STON2: variants seen among roughly 807,000 people sequenced by gnomAD.
The protein encoded by STON2 is stonin 2.
STON2 carries 29 observed loss-of-function variants against 65.7 expected under a neutral mutation model. That is an observed-to-expected ratio of 0.44 (90% confidence interval 0.33 to 0.60). The LOEUF (loss-of-function observed/expected upper bound fraction) is 0.60. Ranked by LOEUF, STON2 falls within the 20% of genes least tolerant of loss-of-function variation. The pLI, the probability that STON2 is intolerant of heterozygous loss-of-function variation, is 0.03. For synonymous variants in STON2, 404 were observed against 414.2 expected, an observed-to-expected ratio of 0.98 and a Z score of 0.30; for missense variants, 1,054 against 1,118.1, an observed-to-expected ratio of 0.94 and a Z score of 0.82.
At chr14:81,357,138 A>C (rs56079762) in intron 4 of STON2, among the ~76,000 whole-genome samples, 1 of 151,084 alleles carries the variant, frequency 6.6e-6, no homozygotes, top group African/African-American at 2.4e-5. Flanking sequence ...GAAAATTTTC[A>C]CAACCTACTC....
intron 2 of STON2, among the ~76,000 whole-genome samples, chr14:81,410,784 T>C (rs916031395): frequency 6.6e-6 from 1 of 151,668 alleles, no homozygotes; most frequent in Non-Finnish European, 1.5e-5. Context: ...AAAAAGGGAG[T>C]ATAACAGTAA....
Position 81,357,137 on chromosome 14 carries a change from C to T in STON2, c.571+13851G>A, listed in dbSNP as rs1392426133. ...AACCCACAAAATGGGAGAAAATTTT[C>T]ACAACCTACTCATCTGACAAAGGGC... On this transcript the variant is annotated intron_variant, in intron 4 of 7. Coordinates refer to ENST00000614646, the MANE Select transcript of STON2 (RefSeq NM_001394390.1). 4.0e-5 allele frequency among the ~76,000 whole-genome samples: 6 copies of T among 151,748 alleles called. No individual in the cohort carries two copies. The South Asian group carries it at 8.4e-4, about 21-fold the overall frequency.
chr14:81,261,754 T>G lies in STON2; in HGVS notation c.*6660A>C. 6.7e-7 allele frequency: 1 copy of G among 1,490,502 alleles called. No homozygotes were observed. The highest frequency in any genetic ancestry group is 8.9e-7 in the Non-Finnish European group (1 of 1,127,782). 92.3% of individuals were successfully genotyped at this position (1,490,502 alleles called of 1,614,324 possible). A position where few individuals can be genotyped will look rare whatever the true frequency, so the allele number is the denominator to read the frequency against. On this transcript the variant is annotated 3_prime_UTR_variant, in exon 8 of 8. Coordinates refer to ENST00000614646, the MANE Select transcript of STON2 (RefSeq NM_001394390.1). Reference sequence around the variant, plus strand: ...TAGCACCCAAATCCTAACATCTATTTTGGAGACCTGTCTGTGCCTCTTCAT... The same window carrying G: ...TAGCACCCAAATCCTAACATCTATTGTGGAGACCTGTCTGTGCCTCTTCAT...
chr14:81,290,483 G>A (rs889787276), intron 5 of STON2, among the ~76,000 whole-genome samples: 3 of 152,144 alleles, frequency 2.0e-5, no homozygotes, highest in Non-Finnish European at 2.9e-5. Flanking sequence ...AAGAAGATGC[G>A]TTCTGAGTCT....
At position 81,398,447 on chromosome 14, in the gene STON2, G is replaced by T; in HGVS notation, c.-65C>A. ...GGTGAACCCCAGAATACTGTCTGGG[G>T]TGGGCTGGAGTAGGGGTATGGTAGT... On this transcript the variant is annotated 5_prime_UTR_variant, in exon 2 of 8. Transcript: ENST00000614646. 1 of 1,342,930 alleles carries T rather than the reference G, an allele frequency of 7.4e-7. No homozygotes were observed. Among genetic ancestry groups the T allele is most frequent in the Non-Finnish European group, 1.1e-6 (1 of 935,782 alleles). The allele number at this position is 1,342,930 out of a possible 1,614,324, so 83.2% of individuals were successfully genotyped here. A position where few individuals can be genotyped will look rare whatever the true frequency, so the allele number is the denominator to read the frequency against.
chr14:81,315,703 T>G (rs1364708718), intron 5 of STON2, among the ~76,000 whole-genome samples: 1 of 152,238 alleles, frequency 6.6e-6, no homozygotes, highest in Non-Finnish European at 1.5e-5. Flanking sequence ...CTGGGTGCTG[T>G]AGTCTTAGCA....
At chr14:81,338,517 C>A (rs1262492557) in intron 4 of STON2, among the ~76,000 whole-genome samples, 1 of 152,146 alleles carries the variant, frequency 6.6e-6, no homozygotes, top group Non-Finnish European at 1.5e-5. Context: ...TACAGTGTTT[C>A]TCTGAGTTCT....
At chr14:81,286,105 G>T (rs760723039) in intron 5 of STON2, among the ~76,000 whole-genome samples, 1 of 151,994 alleles carries the variant, frequency 6.6e-6, no homozygotes, top group African/African-American at 2.4e-5. Flanking sequence ...CCGAGACTGC[G>T]CCACTGCACT....
chr14:81,264,100 T>C lies in STON2; in HGVS notation c.*4314A>G, dbSNP rs1894267102. ...TTGAAATGGGCAAGGCTCAGGCTCA[T>C]GGATCTGTTTGACTTGCAGGAACAA... On this transcript the variant is annotated 3_prime_UTR_variant, in exon 8 of 8. Transcript: ENST00000614646. 8.1e-6 allele frequency: 8 copies of C among 985,348 alleles called. No homozygotes were observed. Among genetic ancestry groups the C allele is most frequent in the African/African-American group, 1.7e-5 (1 of 57,250 alleles). The allele number at this position is 985,348 out of a possible 1,614,324, so 61.0% of individuals were successfully genotyped here.
chr14:81,295,200 CTG>C (rs1895712280), intron 5 of STON2, among the ~76,000 whole-genome samples: 1 of 152,180 alleles, frequency 6.6e-6, no homozygotes, highest in Non-Finnish European at 1.5e-5. Context: ...TGGCGGGCAC[CTG>C]TAGTCCCAGC....
intron 5 of STON2, among the ~76,000 whole-genome samples, chr14:81,289,444 C>T (rs1049026192): frequency 5.9e-5 from 9 of 152,190 alleles, no homozygotes; most frequent in Admixed American, 1.3e-4. Context: ...AGGGAAAGGA[C>T]GCAAACCTTC....
In STON2 at chr14:81,262,460, G is replaced by A. The variant is rs575740815; in HGVS notation, c.*5954C>T. The A allele has an allele frequency of 1.0e-6, 1 of 985,270 alleles. No homozygotes were observed. Among genetic ancestry groups the A allele is most frequent in the South Asian group, 4.7e-5 (1 of 21,288 alleles). 61.0% of individuals were successfully genotyped at this position (985,270 alleles called of 1,614,324 possible). ...CTATGCAATCTTTATTTTTCCTGGAGCTTCTTACTTTTAACTTTAAGAGAT... is the reference window on the plus strand; with the variant it reads ...CTATGCAATCTTTATTTTTCCTGGAACTTCTTACTTTTAACTTTAAGAGAT... On this transcript the variant is annotated 3_prime_UTR_variant, in exon 8 of 8. Transcript: ENST00000614646.
intron 2 of STON2, among the ~76,000 whole-genome samples, chr14:81,415,234 C>T (rs1901368657): frequency 6.6e-6 from 1 of 151,494 alleles, no homozygotes; most frequent in Non-Finnish European, 1.5e-5. Context: ...TTCCTCTTAT[C>T]AACCTTATGA....
chr14:81,399,560 A>T (rs1176353008), intron 1 of STON2, among the ~76,000 whole-genome samples: 1 of 152,216 alleles, frequency 6.6e-6, no homozygotes, highest in Non-Finnish European at 1.5e-5. Flanking sequence ...GAAAATCGGT[A>T]AAAACATGAA....
At chr14:81,306,000 G>C (rs1372096279) in intron 5 of STON2, among the ~76,000 whole-genome samples, 1 of 151,900 alleles carries the variant, frequency 6.6e-6, no homozygotes, top group Non-Finnish European at 1.5e-5. Context: ...CCCAAGAGCT[G>C]ATCTAGCTCT....
At chr14:81,305,987 C>T (rs901401261) in intron 5 of STON2, among the ~76,000 whole-genome samples, 2 of 152,058 alleles carry the variant, frequency 1.3e-5, no homozygotes, top group South Asian at 4.2e-4. Context: ...TCCTTGCCAG[C>T]GACCCAAGAG....
At position 81,277,583 on chromosome 14, in the gene STON2, T is replaced by G. The variant is rs1330547995; in HGVS notation, c.1899A>C (p.Arg633Ser). 6.2e-7 allele frequency: 1 copy of G among 1,614,174 alleles called. No homozygotes were observed. The highest frequency in any genetic ancestry group is 8.5e-7 in the Non-Finnish European group (1 of 1,180,026). The change falls in exon 6 of 8, where the codon AGA becomes AGC. Residue 633 changes from arginine to serine, a missense_variant. Transcript: ENST00000614646. The part of the protein sequence containing the change: ...YLEEEITVDV[R>S]DEFSGIVSKG... ...TGCTCACAATGCCAGAGAATTCATC[T>G]CTGACATCCACTGTAATCTCCTCTT... is the stretch of plus-strand genomic sequence containing the variant.
At position 81,382,427 on chromosome 14, in the gene STON2, C is replaced by A. The variant is rs182702836; in HGVS notation, c.374-11242G>T. Among the ~76,000 whole-genome samples, 584 of 151,980 alleles carry A rather than the reference C, an allele frequency of 3.8e-3. 3 individuals carry two copies. Among genetic ancestry groups the A allele is most frequent in the Non-Finnish European group, 6.0e-3 (411 of 67,974 alleles). On this transcript the variant is annotated intron_variant, in intron 3 of 7. Transcript: ENST00000614646. ...GCCACAGAGTAATACAGTATTATTCCATATATATAAAGTTCAAAACCAGGC... is the reference window on the plus strand; with the variant it reads ...GCCACAGAGTAATACAGTATTATTCAATATATATAAAGTTCAAAACCAGGC...
intron 5 of STON2, among the ~76,000 whole-genome samples, chr14:81,306,385 TA>T (rs1381922951): frequency 1.9e-5 from 1 of 52,864 alleles, no homozygotes; most frequent in African/African-American, 7.6e-5. Context: ...CCATATGCTC[TA>T]TTTTTTTTTA....
Sources: allele counts gnomAD v4.1 joint callset (sites outside exome capture counted in the v4.1 genomes callset), GRCh38; gene constraint gnomAD v4.1.1; transcripts MANE v1.5; gene names NCBI Gene and HGNC (gene_info 2026-07-23, HGNC 2026-07-21).